The following GNG2 variants were observed in gnomAD, a reference collection of about 807,000 sequenced individuals.
GNG2 encodes the protein G protein subunit gamma 2.
In GNG2, 5 loss-of-function variants were observed where a neutral mutation model predicts 5.5. The ratio of observed to expected loss-of-function variants is 0.91; its 90% CI spans 0.48 to 1.92. The LOEUF is 1.92. GNG2 is among the 30% of genes most tolerant of loss of function. The pLI is 0.01. For synonymous variants in GNG2, 28 were observed against 32.0 expected (o/e 0.88, Z 0.42); for missense variants, 55 against 88.4 (o/e 0.62, Z 1.52).
chr14:51,920,699 G>C (rs1456225417), intron 2 of GNG2, among the ~76,000 whole-genome samples: 1 of 152,158 alleles, frequency 6.6e-6, no homozygotes, highest in Non-Finnish European at 1.5e-5. Context: ...TCCTTGAATG[G>C]TTCTTATTCC....
chr14:51,873,445 C>A (rs193169284), intron 1 of GNG2, among the ~76,000 whole-genome samples: 49 of 152,316 alleles, frequency 3.2e-4, no homozygotes, highest in Non-Finnish European at 6.2e-4. Flanking sequence ...TTCAATTTGC[C>A]TACTGCAGGA....
chr14:51,912,435 G>T (rs1004177435), intron 2 of GNG2, among the ~76,000 whole-genome samples: 1 of 152,094 alleles, frequency 6.6e-6, no homozygotes, highest in African/African-American at 2.4e-5. Context: ...ACTGATTCCA[G>T]TTAGGTGAGG....
chr14:51,949,564 TC>T (rs1238162167), intron 2 of GNG2, among the ~76,000 whole-genome samples: 1 of 152,212 alleles, frequency 6.6e-6, no homozygotes, highest in African/African-American at 2.4e-5. Context: ...AGAACAAGAT[TC>T]CATTAGTGTT....
rs58532727 is a variant in GNG2, at chr14:51,966,962, GC to G, written c.*285del. On this transcript the variant is annotated 3_prime_UTR_variant, in exon 4 of 4. Coordinates refer to ENST00000556766, the MANE Select transcript of GNG2 (RefSeq NM_053064.5). ...GTCACTTCTTTTCTGCTATCCCCCAGCCCCCCCCCCAAAATCCTCATGTTTC... is the reference window on the plus strand; with the variant it reads ...GTCACTTCTTTTCTGCTATCCCCCAGCCCCCCCCCAAAATCCTCATGTTTC... 4.7e-3 allele frequency: 498 copies of G among 106,346 alleles called. 19 individuals are homozygous for G. Among genetic ancestry groups the G allele is most frequent in the South Asian group, 0.016 (55 of 3,438 alleles). The allele number at this position is 106,346 out of a possible 1,614,324, so 6.6% of individuals were successfully genotyped here.
intron 2 of GNG2, among the ~76,000 whole-genome samples, chr14:51,885,498 A>G (rs1884386404): frequency 2.0e-5 from 3 of 152,036 alleles, no homozygotes; most frequent in South Asian, 2.1e-4. Context: ...GTTCTAATCA[A>G]TACCCATAAT....
intron 2 of GNG2, among the ~76,000 whole-genome samples, chr14:51,930,512 C>T (rs753010252): frequency 5.3e-5 from 8 of 152,236 alleles, no homozygotes; most frequent in Admixed American, 1.3e-4. Context: ...ACCTTGGTCA[C>T]GTCACCTGAT....
At chr14:51,913,546 C>T (rs982314752) in intron 2 of GNG2, among the ~76,000 whole-genome samples, 4 of 151,858 alleles carry the variant, frequency 2.6e-5, no homozygotes, top group Admixed American at 2.0e-4. Context: ...TGGGGGAGAG[C>T]GGAAAGAACA....
chr14:51,939,148 CT>C (rs1427351083), intron 2 of GNG2, among the ~76,000 whole-genome samples: 1 of 152,120 alleles, frequency 6.6e-6, no homozygotes, highest in Non-Finnish European at 1.5e-5. Context: ...AAGTATTAAT[CT>C]TTTTTCCGTG....
intron 2 of GNG2, among the ~76,000 whole-genome samples, chr14:51,829,591 A>G (rs1460098500): frequency 6.6e-6 from 1 of 152,124 alleles, no homozygotes; most frequent in African/African-American, 2.4e-5. Context: ...TCTTGATCCC[A>G]TATTGCCCTC....
intron 2 of GNG2, among the ~76,000 whole-genome samples, chr14:51,880,708 A>G (rs1238040777): frequency 6.6e-6 from 1 of 152,166 alleles, no homozygotes; most frequent in East Asian, 1.9e-4. Context: ...CTTTCCTGGG[A>G]CATAAGACTA....
At chr14:51,934,754 T>C (rs1042074602) in intron 2 of GNG2, among the ~76,000 whole-genome samples, 2 of 152,126 alleles carry the variant, frequency 1.3e-5, no homozygotes, top group Non-Finnish European at 2.9e-5. Flanking sequence ...GCTACTTCCA[T>C]GCCCCTCTGT....
intron 2 of GNG2, among the ~76,000 whole-genome samples, chr14:51,891,964 T>C (rs1884884880): frequency 6.6e-6 from 1 of 152,208 alleles, no homozygotes; most frequent in South Asian, 2.1e-4. Context: ...TGCTAAGGCA[T>C]AGAACATTGC....
At chr14:51,841,445 A>G (rs1881479171) in intron 2 of GNG2, 1 of 665,626 alleles carries the variant, frequency 1.5e-6, no homozygotes, top group Admixed American at 2.2e-5. Context: ...TTCTGTATGA[A>G]TTCATATAAT....
At chr14:51,884,674 G>A (rs898861304) in intron 2 of GNG2, among the ~76,000 whole-genome samples, 1 of 152,182 alleles carries the variant, frequency 6.6e-6, no homozygotes, top group African/African-American at 2.4e-5. Flanking sequence ...TTTTGATTCT[G>A]CCCCTTGGAC....
chr14:51,835,903 G>C (rs958077244), intron 2 of GNG2, among the ~76,000 whole-genome samples: 6 of 152,094 alleles, frequency 3.9e-5, no homozygotes, highest in Non-Finnish European at 8.8e-5. Context: ...GAAGTTTCAG[G>C]ATAAGGGCTT....
At chr14:51,912,142 T>C (rs1301600616) in intron 2 of GNG2, among the ~76,000 whole-genome samples, 2 of 126,530 alleles carry the variant, frequency 1.6e-5, no homozygotes, top group Non-Finnish European at 3.2e-5. Context: ...GACTCAAACT[T>C]GGGCAGTGTG....
rs536942851 is a variant in GNG2 at position 51,950,850 on chromosome 14, A to G, written c.87+85A>G. The G allele has an allele frequency of 5.8e-6, 4 of 684,258 alleles. No homozygotes were observed. The Admixed American group carries it at 1.4e-4, about 24-fold the overall frequency. The allele number at this position is 684,258 out of a possible 1,614,324, so 42.4% of individuals were successfully genotyped here. The stretch of plus-strand genomic sequence containing the variant: ...CCACTCTTTCCTAGAGAGGGATAAA[A>G]CCAGTAATGACAGGAGAGCATCTTA... On this transcript the variant is annotated intron_variant, in intron 3 of 3. Transcript: ENST00000556766.
At chr14:51,864,823 G>A (rs1375837393) in intron 1 of GNG2, among the ~76,000 whole-genome samples, 1 of 152,332 alleles carries the variant, frequency 6.6e-6, no homozygotes, top group African/African-American at 2.4e-5. Flanking sequence ...AGGGGGAGCA[G>A]TAACTTGTGG....
chr14:51,832,686 A>G (rs905641524), intron 2 of GNG2, among the ~76,000 whole-genome samples: 1 of 152,192 alleles, frequency 6.6e-6, no homozygotes, highest in Non-Finnish European at 1.5e-5. Flanking sequence ...CTGTGTCCTC[A>G]CAAGGCAGGC....
Sources: gnomAD v4.1 joint callset for allele counts (sites outside exome capture counted in the v4.1 genomes callset) on GRCh38, gnomAD v4.1.1 for gene constraint, MANE v1.5 for transcripts, NCBI Gene and HGNC (gene_info 2026-07-23, HGNC 2026-07-21) for gene names.